The following SDK1 variants were observed in gnomAD, a reference collection of about 807,000 sequenced individuals.
SDK1 encodes the protein sidekick cell adhesion molecule 1.
In SDK1, 157 loss-of-function variants were observed where a neutral mutation model predicts 245.5. The observed-to-expected ratio is 0.64, with a 90% CI of 0.56 to 0.73. The LOEUF is 0.73. Among genes scored for constraint, SDK1 ranks in the 30% least tolerant of loss-of-function variants. The pLI, the probability that SDK1 is intolerant of heterozygous loss-of-function variation, is 0.00. For missense variants in SDK1, 3,583 were observed against 3,002.3 expected (o/e 1.19, Z -4.52); for synonymous variants, 1,647 against 1,278.5 (o/e 1.29, Z -6.15).
rs968914148 is a variant in SDK1, at chr7:3,983,289, A to G, written c.1995-3897A>G. ...TATCAAACAGCATCACATGCTACAGAAAAGTCTTTCATGAGAGGAAGAGTC... is the reference window on the plus strand; with the variant it reads ...TATCAAACAGCATCACATGCTACAGGAAAGTCTTTCATGAGAGGAAGAGTC... On this transcript the variant is annotated intron_variant, in intron 13 of 44. Transcript: ENST00000404826. 2.0e-5 allele frequency among the ~76,000 whole-genome samples: 3 copies of G among 152,320 alleles called. No individual in the cohort carries two copies. In the South Asian group the frequency reaches 6.2e-4, roughly 32 times the overall value.
rs551405414 is a variant in SDK1, at chr7:4,052,351, C to T, written c.2911+521C>T. Among the ~76,000 whole-genome samples the T allele has an allele frequency of 5.3e-5, 8 of 152,050 alleles. No individual in the cohort carries two copies. The East Asian group carries it at 9.7e-4, about 18-fold the overall frequency. ...AAAACGTTAGCTAATGAAGTTACCC[C>T]GAGAAAATAGTCACAGATGCACACA... On this transcript the variant is annotated intron_variant, in intron 19 of 44. Transcript: ENST00000404826.
chr7:3,666,708 T>C (rs1450930186), intron 4 of SDK1, among the ~76,000 whole-genome samples: 1 of 152,218 alleles, frequency 6.6e-6, no homozygotes. Context: ...ATGCCTAATA[T>C]TAATTTTCTT....
At chr7:3,829,948 G>C (rs11977349) in intron 5 of SDK1, among the ~76,000 whole-genome samples, 2,460 of 152,296 alleles carry the variant, frequency 0.016, 77 homozygotes, top group African/African-American at 0.055. Context: ...ACTGGAGTCA[G>C]TGCTTACTAA....
At chr7:4,064,922 G>C (rs1779771146) in intron 19 of SDK1, among the ~76,000 whole-genome samples, 1 of 152,068 alleles carries the variant, frequency 6.6e-6, no homozygotes, top group Admixed American at 6.6e-5. Context: ...GGAGCAGGGT[G>C]GTGGGGAGAA....
chr7:3,804,346 T>A (rs1779186596), intron 4 of SDK1, among the ~76,000 whole-genome samples: 2 of 152,194 alleles, frequency 1.3e-5, no homozygotes, highest in South Asian at 4.1e-4. Flanking sequence ...TAAAAAGACT[T>A]CCCTTCCTTC....
intron 4 of SDK1, among the ~76,000 whole-genome samples, chr7:3,734,495 T>C (rs575438584): frequency 8.5e-5 from 13 of 152,356 alleles, no homozygotes; most frequent in Non-Finnish European, 1.6e-4. Flanking sequence ...TGTACTTTAG[T>C]ATTTGTCTGT....
chr7:4,120,482 A>G (rs1405476), intron 25 of SDK1, among the ~76,000 whole-genome samples: 34,640 of 148,634 alleles, frequency 0.23, 6,979 homozygotes, highest in East Asian at 0.74. Context: ...CTAAAAGCAA[A>G]TAACTGCCAA....
intron 35 of SDK1, among the ~76,000 whole-genome samples, chr7:4,186,043 TC>T (rs1782878522): frequency 6.6e-6 from 1 of 152,160 alleles, no homozygotes; most frequent in Non-Finnish European, 1.5e-5. Flanking sequence ...GGCCCAGCTC[TC>T]CTGTTTGCTC....
intron 5 of SDK1, among the ~76,000 whole-genome samples, chr7:3,905,857 C>G (rs1190944792): frequency 6.6e-6 from 1 of 152,114 alleles, no homozygotes; most frequent in African/African-American, 2.4e-5. Context: ...CTCTTGGCCT[C>G]AAGCGATCCT....
At chr7:3,763,126 A>C (rs760025390) in intron 4 of SDK1, among the ~76,000 whole-genome samples, 12 of 152,228 alleles carry the variant, frequency 7.9e-5, no homozygotes, top group Admixed American at 3.3e-4. Context: ...GAAAGCCATA[A>C]ATTTCTTTTT....
intron 5 of SDK1, among the ~76,000 whole-genome samples, chr7:3,937,734 G>C (rs532753843): frequency 6.6e-6 from 1 of 152,242 alleles, no homozygotes; most frequent in African/African-American, 2.4e-5. Flanking sequence ...GCGTCCTGCA[G>C]GTTCCCATTG....
chr7:3,394,839 T>A (rs1366572239), intron 1 of SDK1, among the ~76,000 whole-genome samples: 9 of 152,116 alleles, frequency 5.9e-5, no homozygotes, highest in African/African-American at 2.2e-4. Flanking sequence ...TTTTATATAT[T>A]GATCTTGTAT....
intron 5 of SDK1, among the ~76,000 whole-genome samples, chr7:3,832,036 G>T (rs1459799858): frequency 6.6e-6 from 1 of 152,142 alleles, no homozygotes. Context: ...GGGCAACACA[G>T]CAAGACCCTG....
At chr7:3,604,666 G>A (rs1781365810) in intron 1 of SDK1, among the ~76,000 whole-genome samples, 1 of 138,836 alleles carries the variant, frequency 7.2e-6, no homozygotes. Context: ...GCAATGGTGT[G>A]ATCTTGGCTC....
chr7:3,849,127 A>G lies in SDK1; in HGVS notation c.847+27544A>G, dbSNP rs572748696. Among the ~76,000 whole-genome samples, 3 of 152,076 alleles carry G rather than the reference A, an allele frequency of 2.0e-5. No individual in the cohort carries two copies. The South Asian group carries it at 6.3e-4, about 32-fold the overall frequency. On this transcript the variant is annotated intron_variant, in intron 5 of 44. Coordinates refer to ENST00000404826, the MANE Select transcript of SDK1 (RefSeq NM_152744.4). Reference sequence around the variant, plus strand: ...TTTGCCGTCCGAACTTTCCCTTTCAAAGGTTTCCTTTTCTCTCCAAATGAA... The same window carrying G: ...TTTGCCGTCCGAACTTTCCCTTTCAGAGGTTTCCTTTTCTCTCCAAATGAA...
chr7:3,918,833 C>T (rs1012695090), intron 5 of SDK1, among the ~76,000 whole-genome samples: 1 of 152,100 alleles, frequency 6.6e-6, no homozygotes, highest in African/African-American at 2.4e-5. Context: ...CCCATTTATC[C>T]TCTGACGGTT....
At chr7:3,975,335 C>A (rs1338476779) in intron 13 of SDK1, among the ~76,000 whole-genome samples, 1 of 152,166 alleles carries the variant, frequency 6.6e-6, no homozygotes, top group Non-Finnish European at 1.5e-5. Flanking sequence ...GTGGCCAGCT[C>A]CAGGGACACA....
intron 4 of SDK1, among the ~76,000 whole-genome samples, chr7:3,675,295 A>G (rs909049658): frequency 6.6e-6 from 1 of 152,218 alleles, no homozygotes; most frequent in Non-Finnish European, 1.5e-5. Flanking sequence ...AGCTGTTTTC[A>G]CTGCTACCAC....
At chr7:3,494,469 T>C (rs1442931285) in intron 1 of SDK1, among the ~76,000 whole-genome samples, 1 of 152,158 alleles carries the variant, frequency 6.6e-6, no homozygotes, top group Admixed American at 6.5e-5. Flanking sequence ...GTGTTAGAAA[T>C]TACAGATTTG....
Sources: allele counts gnomAD v4.1 joint callset (sites outside exome capture counted in the v4.1 genomes callset), GRCh38; gene constraint gnomAD v4.1.1; transcripts MANE v1.5; gene names NCBI Gene and HGNC (gene_info 2026-07-23, HGNC 2026-07-21).